The following OR5AS1 variants were observed in gnomAD, a reference collection of about 807,000 sequenced individuals.
OR5AS1 encodes olfactory receptor family 5 subfamily AS member 1, also known as olfactory receptor 5AS1.
For missense variants in OR5AS1, 492 were observed against 378.2 expected (o/e 1.30, Z -2.50); for synonymous variants, 196 against 141.7 (o/e 1.38, Z -2.72).
rs892440646 is a variant in OR5AS1 at position 56,035,592 on chromosome 11, T to C, written c.*4199T>C. On this transcript the variant is annotated 3_prime_UTR_variant, in exon 2 of 2. Coordinates refer to ENST00000641320, the MANE Select transcript of OR5AS1 (RefSeq NM_001001921.2). ...TCAATGCAACAAGAAGAGCTAACTA[T>C]ACTAAATATATATGTACCCAATACA... The C allele has an allele frequency of 6.6e-6, 1 of 152,090 alleles. No homozygotes were observed. Among genetic ancestry groups the C allele is most frequent in the Non-Finnish European group, 1.5e-5 (1 of 68,034 alleles). 9.4% of individuals were successfully genotyped at this position (152,090 alleles called of 1,614,324 possible).
rs991380901 is a variant in OR5AS1, at chr11:56,032,355, G to T, written c.*962G>T. Reference sequence around the variant, plus strand: ...ATCTTTTATTCTGTAAATTTACAATGCAAGGCAATTAAAGTATAAACAATT... The same window carrying T: ...ATCTTTTATTCTGTAAATTTACAATTCAAGGCAATTAAAGTATAAACAATT... On this transcript the variant is annotated 3_prime_UTR_variant, in exon 2 of 2. Transcript: ENST00000641320. 2 of 152,076 alleles carry T rather than the reference G, an allele frequency of 1.3e-5. No homozygotes were observed. The highest frequency in any genetic ancestry group is 2.9e-5 in the Non-Finnish European group (2 of 68,024). 9.4% of individuals were successfully genotyped at this position (152,076 alleles called of 1,614,324 possible).
chr11:56,029,768 T>C (rs1411537847), intron 1 of OR5AS1, among the ~76,000 whole-genome samples: 1 of 152,084 alleles, frequency 6.6e-6, no homozygotes, highest in Non-Finnish European at 1.5e-5. Context: ...GGATGTCTAC[T>C]TACTAGGAAT....
At chr11:56,028,944 T>A (rs1590704506) in intron 1 of OR5AS1, among the ~76,000 whole-genome samples, 1 of 152,108 alleles carries the variant, frequency 6.6e-6, no homozygotes, top group Admixed American at 6.5e-5. Context: ...GAATATTATA[T>A]AAAGCTTGCA....
chr11:56,029,097 G>A (rs559624369), intron 1 of OR5AS1, among the ~76,000 whole-genome samples: 17 of 151,998 alleles, frequency 1.1e-4, no homozygotes, highest in Admixed American at 3.3e-4. Context: ...TTCTCTTTTC[G>A]GTACATTTAG....
At position 56,035,120 on chromosome 11, in the gene OR5AS1, C is replaced by T. The variant is rs534586586; in HGVS notation, c.*3727C>T. 2 of 152,212 alleles carry T rather than the reference C, an allele frequency of 1.3e-5. No homozygotes were observed. Among genetic ancestry groups the T allele is most frequent in the South Asian group, 4.1e-4 (2 of 4,822 alleles). 9.4% of individuals were successfully genotyped at this position (152,212 alleles called of 1,614,324 possible). A position where few individuals can be genotyped will look rare whatever the true frequency, so the allele number is the denominator to read the frequency against. ...GCTTTACAAGAGCTCCTGAAGGAAG[C>T]ACTAAACATGGAAAGGTACAACTGG... On this transcript the variant is annotated 3_prime_UTR_variant, in exon 2 of 2. Transcript: ENST00000641320.
chr11:56,029,700 T>C (rs1853328488), intron 1 of OR5AS1, among the ~76,000 whole-genome samples: 1 of 152,072 alleles, frequency 6.6e-6, no homozygotes, highest in Non-Finnish European at 1.5e-5. Context: ...TTTTAATAAA[T>C]TTTATTTAAT....
Position 56,030,827 on chromosome 11 carries a change from T to C in OR5AS1, c.409T>C (p.Ser137Pro). ...CNPLLYTTLMSRRVCVCFIVL... is the reference protein window; with the variant it reads ...CNPLLYTTLMPRRVCVCFIVL... The stretch of plus-strand genomic sequence containing the variant: ...CCCACTGCTCTATACTACACTGATG[T>C]CTAGGAGAGTCTGTGTCTGCTTCAT... Residue 137 changes from serine to proline, a missense_variant, in exon 2 of 2, where the codon TCT (serine) becomes CCT (proline). Ser to Pro is a moderately conservative substitution (Grantham distance 74, BLOSUM62 -1). Coordinates refer to ENST00000641320, the MANE Select transcript of OR5AS1 (RefSeq NM_001001921.2). The C allele has an allele frequency of 1.9e-6, 3 of 1,613,756 alleles. No homozygotes were observed. In the Middle Eastern group the frequency reaches 5.0e-4, roughly 266 times the overall value.
In OR5AS1 at chr11:56,030,936, T is replaced by A. The variant is rs148081252; in HGVS notation, c.518T>A (p.Ile173Asn). 77 of 1,614,152 alleles carry A rather than the reference T, an allele frequency of 4.8e-5. No homozygotes were observed. In the African/African-American group the frequency reaches 1.0e-3, roughly 21 times the overall value. ...TFRLSFCGSNIVNHFFCDIPP... is the reference protein window; with the variant it reads ...TFRLSFCGSNNVNHFFCDIPP... Reference sequence around the variant, plus strand: ...AGGCTGTCATTTTGTGGCTCCAATATCGTCAATCATTTTTTCTGTGATATC... The same window carrying A: ...AGGCTGTCATTTTGTGGCTCCAATAACGTCAATCATTTTTTCTGTGATATC... The change falls in exon 2 of 2, where the codon ATC becomes AAC. Residue 173 changes from isoleucine to asparagine, a missense_variant. Physicochemically the swap from Ile to Asn is moderately radical, Grantham distance 149. Transcript: ENST00000641320.
rs369071029 is a variant in OR5AS1, at chr11:56,031,084, C to G, written c.666C>G (p.Leu222=). ...TATTTATTTCTTACTTCTGCATCCT[C>G]ATCACTGTGTTGAGCATCAAGTCCT... The part of the protein sequence containing the change: ...VVIFISYFCI[L]ITVLSIKSSG... Residue 222 remains leucine (L), a synonymous_variant, in exon 2 of 2, where the codon CTC becomes CTG. Transcript: ENST00000641320. 7 of 1,613,946 alleles carry G rather than the reference C, an allele frequency of 4.3e-6. No individual in the cohort carries two copies. The African/African-American group carries it at 8.0e-5, about 18-fold the overall frequency.
chr11:56,029,016 C>T (rs1853321490), intron 1 of OR5AS1, among the ~76,000 whole-genome samples: 1 of 151,990 alleles, frequency 6.6e-6, no homozygotes, highest in Non-Finnish European at 1.5e-5. Context: ...GTTTTAGGTA[C>T]ACACATTGCA....
rs1586017 is a variant in OR5AS1, at chr11:56,034,095, C to T, written c.*2702C>T. On this transcript the variant is annotated 3_prime_UTR_variant, in exon 2 of 2. Transcript: ENST00000641320. Reference sequence around the variant, plus strand: ...AAAGGACGTCCACTCAGAAACTCCACCACCAACATCAAAGACCAAAGGTAG... The same window carrying T: ...AAAGGACGTCCACTCAGAAACTCCATCACCAACATCAAAGACCAAAGGTAG... 148,552 of 152,150 alleles carry T rather than the reference C, an allele frequency of 0.98. 72,655 individuals carry two copies. Among genetic ancestry groups the T allele is most frequent in the East Asian group, 1 (5,164 of 5,164 alleles). The allele number at this position is 152,150 out of a possible 1,614,324, so 9.4% of individuals were successfully genotyped here.
Position 56,031,619 on chromosome 11 carries a change from T to G in OR5AS1, c.*226T>G, listed in dbSNP as rs563930565. The stretch of plus-strand genomic sequence containing the variant: ...ATCCAATTAGTGTTTCTAAAATGCT[T>G]TGTACATTGATTCTGTTCTTTACGA... On this transcript the variant is annotated 3_prime_UTR_variant, in exon 2 of 2. Coordinates refer to ENST00000641320, the MANE Select transcript of OR5AS1 (RefSeq NM_001001921.2). 2.8e-6 allele frequency: 1 copy of G among 360,972 alleles called. No individual in the cohort carries two copies. The highest frequency in any genetic ancestry group is 5.0e-6 in the Non-Finnish European group (1 of 198,442). 22.4% of individuals were successfully genotyped at this position (360,972 alleles called of 1,614,324 possible).
rs1295657661 is a variant in OR5AS1 at position 56,037,083 on chromosome 11, C to T, written c.*5690C>T. On this transcript the variant is annotated 3_prime_UTR_variant, in exon 2 of 2. Coordinates refer to ENST00000641320, the MANE Select transcript of OR5AS1 (RefSeq NM_001001921.2). ...TTCAACACCCTTCGTGCTAAAAACT[C>T]TCAATAAACTAGGTATTGACAAACA... 3 of 152,078 alleles carry T rather than the reference C, an allele frequency of 2.0e-5. No individual in the cohort carries two copies. The highest frequency in any genetic ancestry group is 2.0e-4 in the Admixed American group (3 of 15,270). The allele number at this position is 152,078 out of a possible 1,614,324, so 9.4% of individuals were successfully genotyped here.
rs751601154 is a variant in OR5AS1, at chr11:56,030,983, T to A, written c.565T>A (p.Cys189Ser). ...TATCCCACCTCTTCTGGCTTTATCA[T>A]GTACAGACACTCAGATCAACCAGCT... ...CDIPPLLALS[C>S]TDTQINQLLL... Residue 189 changes from cysteine to serine, a missense_variant, in exon 2 of 2, where the codon TGT (cysteine) becomes AGT (serine). Coordinates refer to ENST00000641320, the MANE Select transcript of OR5AS1 (RefSeq NM_001001921.2). 6.2e-7 allele frequency: 1 copy of A among 1,614,182 alleles called. No homozygotes were observed. The highest frequency in any genetic ancestry group is 2.2e-5 in the East Asian group (1 of 44,888).
At position 56,035,799 on chromosome 11, in the gene OR5AS1, A is replaced by G. The variant is rs1464119813; in HGVS notation, c.*4406A>G. On this transcript the variant is annotated 3_prime_UTR_variant, in exon 2 of 2. Coordinates refer to ENST00000641320, the MANE Select transcript of OR5AS1 (RefSeq NM_001001921.2). ...GACCAAGCAGACCTAATAGACCTCT[A>G]CAGAACTCTACACCCCAAATCAATA... The G allele has an allele frequency of 6.6e-6, 1 of 152,110 alleles. No individual in the cohort carries two copies. Among genetic ancestry groups the G allele is most frequent in the Non-Finnish European group, 1.5e-5 (1 of 68,050 alleles). 9.4% of individuals were successfully genotyped at this position (152,110 alleles called of 1,614,324 possible). A position where few individuals can be genotyped will look rare whatever the true frequency, so the allele number is the denominator to read the frequency against.
intron 1 of OR5AS1, among the ~76,000 whole-genome samples, chr11:56,028,750 C>A (rs1853319512): frequency 1.3e-5 from 2 of 151,970 alleles, no homozygotes. Flanking sequence ...AAAAATAAGA[C>A]TTTGATCCCA....
chr11:56,028,913 T>C (rs1389809417), intron 1 of OR5AS1, among the ~76,000 whole-genome samples: 1 of 152,094 alleles, frequency 6.6e-6, no homozygotes, highest in Non-Finnish European at 1.5e-5. Flanking sequence ...AGAGAAAATA[T>C]ACATCCAGTT....
Position 56,032,353 on chromosome 11 carries a change from A to G in OR5AS1, c.*960A>G, listed in dbSNP as rs2134695165. ...TGATCTTTTATTCTGTAAATTTACA[A>G]TGCAAGGCAATTAAAGTATAAACAA... On this transcript the variant is annotated 3_prime_UTR_variant, in exon 2 of 2. Coordinates refer to ENST00000641320, the MANE Select transcript of OR5AS1 (RefSeq NM_001001921.2). 2 of 152,264 alleles carry G rather than the reference A, an allele frequency of 1.3e-5. No individual in the cohort carries two copies. The highest frequency in any genetic ancestry group is 6.8e-3 in the Middle Eastern group (2 of 294). 9.4% of individuals were successfully genotyped at this position (152,264 alleles called of 1,614,324 possible).
rs774227760 is a variant in OR5AS1 at position 56,031,400 on chromosome 11, C to T, written c.*7C>T. 1 of 1,473,366 alleles carries T rather than the reference C, an allele frequency of 6.8e-7. No individual in the cohort carries two copies. Among genetic ancestry groups the T allele is most frequent in the Non-Finnish European group, 9.1e-7 (1 of 1,103,034 alleles). The allele number at this position is 1,473,366 out of a possible 1,614,324, so 91.3% of individuals were successfully genotyped here. A position where few individuals can be genotyped will look rare whatever the true frequency, so the allele number is the denominator to read the frequency against. On this transcript the variant is annotated 3_prime_UTR_variant, in exon 2 of 2. Transcript: ENST00000641320. ...AAGAATAGTCAATATCTAACTTACCCTTCCAATCTCATAAACAGCAATTAT... is the reference window on the plus strand; with the variant it reads ...AAGAATAGTCAATATCTAACTTACCTTTCCAATCTCATAAACAGCAATTAT...
Sources: gnomAD v4.1 joint callset for allele counts (sites outside exome capture counted in the v4.1 genomes callset) on GRCh38, gnomAD v4.1.1 for gene constraint, MANE v1.5 for transcripts, NCBI Gene and HGNC (gene_info 2026-07-23, HGNC 2026-07-21) for gene names.